The following PGK1 variants were observed in gnomAD, a reference collection of about 807,000 sequenced individuals.
PGK1 encodes the protein phosphoglycerate kinase 1.
In PGK1, 3 loss-of-function variants were observed where a neutral mutation model predicts 26.9. The observed-to-expected ratio is 0.11, with a 90% CI of 0.05 to 0.29. The LOEUF is 0.29. PGK1 is among the 10% of genes least tolerant of loss of function. PGK1 has a pLI of 1.00. For synonymous variants in PGK1, 125 were observed against 115.3 expected (o/e 1.08, Z -0.54); for missense variants, 270 against 314.7 (o/e 0.86, Z 1.07).
chrX:78,111,279 C>T (rs2078299857), intron 2 of PGK1, among the ~76,000 whole-genome samples: 1 of 110,623 alleles, frequency 9.0e-6, no homozygotes, highest in South Asian at 3.8e-4. Context: ...GTAGAGACAG[C>T]GTTTTGCCCT....
chrX:78,104,710 C>G (rs889982083), intron 1 of PGK1, among the ~76,000 whole-genome samples: 2 of 111,487 alleles, frequency 1.8e-5, no homozygotes, highest in Non-Finnish European at 3.8e-5. Context: ...CTCCAGCTCC[C>G]AGTCGGCGAG....
chrX:78,110,278 G>T (rs1424553047), intron 2 of PGK1, among the ~76,000 whole-genome samples: 1 of 109,436 alleles, frequency 9.1e-6, no homozygotes, highest in Non-Finnish European at 1.9e-5. Context: ...TCAGCTTCCC[G>T]AGGAGCTGGA....
Position 78,118,165 on chromosome X carries a change from GGGC to G in PGK1, c.639_641del (p.Gly214del). 8.3e-7 allele frequency: 1 copy of G among 1,210,796 alleles called. No individual in the cohort carries two copies. Among genetic ancestry groups the G allele is most frequent in the Non-Finnish European group, 1.1e-6 (1 of 894,780 alleles). On this transcript the variant is annotated inframe_deletion and splice_region_variant, in exon 6 of 11. Transcript: ENST00000373316. The stretch of plus-strand genomic sequence containing the variant: ...CAGAGCGACCCTTCCTGGCCATCCT[GGGC>G]GGGTATGAAGAACTCTTTAAGATCA...
chrX:78,118,844 A>G (rs2078339378), intron 6 of PGK1, among the ~76,000 whole-genome samples: 1 of 111,122 alleles, frequency 9.0e-6, no homozygotes. Context: ...AGCCAGGGCA[A>G]TAAATATTCT....
intron 6 of PGK1, among the ~76,000 whole-genome samples, chrX:78,120,356 TACAC>T (rs200090544): frequency 9.4e-6 from 1 of 106,890 alleles, no homozygotes; most frequent in Non-Finnish European, 1.9e-5. Context: ...CACATATATA[TACAC>T]ACACACACGT....
intron 6 of PGK1, among the ~76,000 whole-genome samples, chrX:78,120,171 T>C (rs2078346936): frequency 8.9e-6 from 1 of 111,918 alleles, no homozygotes; most frequent in Non-Finnish European, 1.9e-5. Flanking sequence ...ACTTTTATAT[T>C]TTATTAAACA....
intron 4 of PGK1, 120 bp downstream of exon 4, chrX:78,114,280 T>C (rs1241601129): frequency 2.2e-5 from 16 of 720,455 alleles, no homozygotes; most frequent in Non-Finnish European, 3.3e-5. Context: ...AAGCATACAA[T>C]GCCGACACAG....
At chrX:78,124,758 A>C in intron 8 of PGK1, 116 bp from the exon 9 acceptor site, 1 of 589,167 alleles carries the variant, frequency 1.7e-6, no homozygotes, top group Non-Finnish European at 2.9e-6. Context: ...ACTGAAGGGT[A>C]CTATTTGTTT....
At chrX:78,114,664 G>A (rs1557247288) in intron 4 of PGK1, among the ~76,000 whole-genome samples, 1 of 111,107 alleles carries the variant, frequency 9.0e-6, no homozygotes, top group Admixed American at 9.5e-5. Flanking sequence ...TTAGAGCTCA[G>A]CCCATTCAAT....
At chrX:78,120,330 TACACAC>T (rs782472219) in intron 6 of PGK1, among the ~76,000 whole-genome samples, 2 of 106,190 alleles carry the variant, frequency 1.9e-5, no homozygotes, top group African/African-American at 6.9e-5. Flanking sequence ...GTCAGGAATG[TACACAC>T]ACACACACAC....
chrX:78,118,601 T>TAAATAAATAAATAAATAAATAAAC (rs1272522622), intron 6 of PGK1, among the ~76,000 whole-genome samples: 3 of 109,005 alleles, frequency 2.8e-5, no homozygotes, highest in African/African-American at 1.0e-4. Flanking sequence ...AATAAATAAA[T>TAAATAAATAAATAAATAAATAAAC]AAACAAACAA....
At chrX:78,118,883 C>T (rs1411986821) in intron 6 of PGK1, among the ~76,000 whole-genome samples, 1 of 111,381 alleles carries the variant, frequency 9.0e-6, no homozygotes, top group Non-Finnish European at 1.9e-5. Flanking sequence ...TGCTGCTGCA[C>T]CCCCTCCCAC....
rs190307492 is a variant in PGK1 at position 78,111,205 on chromosome X, C to T, written c.116+1288C>T. 1.3e-4 allele frequency among the ~76,000 whole-genome samples: 14 copies of T among 110,422 alleles called. No homozygotes were observed. In the East Asian group the frequency reaches 3.7e-3, roughly 29 times the overall value. ...GCTCAAGCGATCCTCCCATCTCAGC[C>T]TCCCAGGGAGCTGAGACCACAGGCG... On this transcript the variant is annotated intron_variant, in intron 2 of 10. Coordinates refer to ENST00000373316, the MANE Select transcript of PGK1 (RefSeq NM_000291.4).
At chrX:78,114,678 C>A (rs781978358) in intron 4 of PGK1, among the ~76,000 whole-genome samples, 172 of 111,604 alleles carry the variant, frequency 1.5e-3, no homozygotes, top group African/African-American at 5.4e-3. Context: ...ATTCAATCAG[C>A]AAACTTTTTC....
intron 3 of PGK1, 52 bp downstream of exon 3, chrX:78,113,951 A>C: frequency 8.3e-7 from 1 of 1,205,239 alleles, no homozygotes; most frequent in Non-Finnish European, 1.1e-6. Context: ...GAAGTTGTCA[A>C]GCACGTTGTT....
chrX:78,121,449 C>A (rs782473936), intron 6 of PGK1, among the ~76,000 whole-genome samples: 1 of 111,506 alleles, frequency 9.0e-6, no homozygotes, highest in Non-Finnish European at 1.9e-5. Flanking sequence ...TATCTTTACC[C>A]TTGGTGGTAA....
chrX:78,126,173 C>G lies in PGK1; in HGVS notation c.*343C>G, dbSNP rs2078382605. 1 of 225,146 alleles carries G rather than the reference C, an allele frequency of 4.4e-6. No individual in the cohort carries two copies. 18.6% of individuals were successfully genotyped at this position (225,146 alleles called of 1,213,427 possible). ...ATTATGATTAGCTTTGTCACTGTTT[C>G]ACTACTCAGCATGGAAACAAGATGA... On this transcript the variant is annotated 3_prime_UTR_variant, in exon 11 of 11. Transcript: ENST00000373316.
rs148077298 is a variant in PGK1 at position 78,113,844 on chromosome X, C to T, written c.217C>T (p.Pro73Ser). ...AGGCCGGCCTGATGGTGTGCCCATG[C>T]CTGACAAGTACTCCTTAGAGCCAGT... ...HLGRPDGVPM[P>S]DKYSLEPVAV... The change falls in exon 3 of 11, where the codon CCT becomes TCT. Residue 73 changes from proline (P) to serine (S), a missense_variant. Pro to Ser is a moderately conservative substitution (Grantham distance 74). Coordinates refer to ENST00000373316, the MANE Select transcript of PGK1 (RefSeq NM_000291.4). 23 of 1,208,703 alleles carry T rather than the reference C, an allele frequency of 1.9e-5. No homozygotes were observed. Among genetic ancestry groups the T allele is most frequent in the Non-Finnish European group, 2.5e-5 (22 of 894,140 alleles).
chrX:78,125,077 A>AC, intron 9 of PGK1, 26 bp downstream of exon 9: 1 of 1,162,916 alleles, frequency 8.6e-7, no homozygotes, highest in Non-Finnish European at 1.2e-6. Context: ...CAAAGCTAAT[A>AC]CCCATATAAG....
Sources: gnomAD v4.1 joint callset for allele counts (sites outside exome capture counted in the v4.1 genomes callset) on GRCh38, gnomAD v4.1.1 for gene constraint, MANE v1.5 for transcripts, NCBI Gene and HGNC (gene_info 2026-07-23, HGNC 2026-07-21) for gene names.